The following MYT1L variants were observed in gnomAD, a reference collection of about 807,000 sequenced individuals.
The protein encoded by MYT1L is myelin transcription factor 1-like protein.
A neutral mutation model predicts 126.7 loss-of-function variants in MYT1L; 12 were observed. That is an observed-to-expected ratio of 0.09 (90% CI 0.06 to 0.15). The LOEUF is 0.15. Among genes scored for constraint, MYT1L ranks in the 10% least tolerant of loss-of-function variants. The pLI is 1.00. For missense variants in MYT1L, 979 were observed against 1,585.2 expected (o/e 0.62, Z 6.49); for synonymous variants, 541 against 604.2 (o/e 0.90, Z 1.53).
At chr2:1,927,109 T>C (rs889465418) in intron 9 of MYT1L, among the ~76,000 whole-genome samples, 1 of 152,220 alleles carries the variant, frequency 6.6e-6, no homozygotes, top group African/African-American at 2.4e-5. Context: ...AGCCTGGGGC[T>C]GACCGCTGGG....
At chr2:2,115,132 T>C (rs1312384270) in intron 3 of MYT1L, among the ~76,000 whole-genome samples, 1 of 152,252 alleles carries the variant, frequency 6.6e-6, no homozygotes, top group Non-Finnish European at 1.5e-5. Context: ...CACTTTTCCC[T>C]GCTCCTCCTG....
intron 2 of MYT1L, among the ~76,000 whole-genome samples, chr2:2,231,538 C>T (rs2094161791): frequency 6.6e-6 from 1 of 152,106 alleles, no homozygotes; most frequent in South Asian, 2.1e-4. Context: ...ACTTCCACCT[C>T]CCAGGCTCAA....
intron 23 of MYT1L, among the ~76,000 whole-genome samples, chr2:1,797,317 G>A (rs1216468160): frequency 6.6e-6 from 1 of 152,016 alleles, no homozygotes; most frequent in Non-Finnish European, 1.5e-5. Flanking sequence ...TCCACCTCCT[G>A]GGTTCACGCC....
chr2:2,012,771 G>A (rs778531245), intron 4 of MYT1L, among the ~76,000 whole-genome samples: 11 of 152,072 alleles, frequency 7.2e-5, no homozygotes, highest in East Asian at 3.9e-4. Flanking sequence ...CTACCCACCC[G>A]TCAGTCACTT....
At position 1,789,126 on chromosome 2, in the gene MYT1L, G is replaced by A. The variant is rs1007079932; in HGVS notation, c.*2741C>T. On this transcript the variant is annotated 3_prime_UTR_variant, in exon 25 of 25. Coordinates refer to ENST00000647738, the MANE Select transcript of MYT1L (RefSeq NM_001303052.2). The stretch of plus-strand genomic sequence containing the variant: ...CGCAGACCCGGGTTAGAGATCCTTC[G>A]TGCTACAAATGTGGCAACACCTTGT... The A allele has an allele frequency of 4.6e-5, 7 of 152,324 alleles. No individual in the cohort carries two copies. The highest frequency in any genetic ancestry group is 2.1e-4 in the South Asian group (1 of 4,826). The allele number at this position is 152,324 out of a possible 1,614,324, so 9.4% of individuals were successfully genotyped here. A position where few individuals can be genotyped will look rare whatever the true frequency, so the allele number is the denominator to read the frequency against.
At chr2:1,970,548 G>A (rs1413684787) in intron 8 of MYT1L, among the ~76,000 whole-genome samples, 1 of 152,234 alleles carries the variant, frequency 6.6e-6, no homozygotes, top group East Asian at 1.9e-4. Flanking sequence ...GGGGCATCCC[G>A]TGGTCGGCAG....
chr2:2,116,845 C>T (rs888233884), intron 3 of MYT1L, among the ~76,000 whole-genome samples: 2 of 152,254 alleles, frequency 1.3e-5, no homozygotes, highest in Non-Finnish European at 2.9e-5. Flanking sequence ...CCTGGCTCCA[C>T]TTCAAGGCCC....
chr2:2,246,207 T>G (rs2094532119), intron 2 of MYT1L, among the ~76,000 whole-genome samples: 1 of 152,086 alleles, frequency 6.6e-6, no homozygotes, highest in Admixed American at 6.5e-5. Context: ...GAGGTGACAA[T>G]GACAATCATT....
chr2:1,881,384 GT>G (rs2047525712), intron 18 of MYT1L, among the ~76,000 whole-genome samples: 1 of 151,662 alleles, frequency 6.6e-6, no homozygotes, highest in East Asian at 1.9e-4. Flanking sequence ...GTGTGTGTGT[GT>G]GTGTGTGTGT....
chr2:2,280,624 G>C (rs1437427697), intron 2 of MYT1L, among the ~76,000 whole-genome samples: 1 of 152,200 alleles, frequency 6.6e-6, no homozygotes, highest in African/African-American at 2.4e-5. Flanking sequence ...TTTTAAGGAG[G>C]AAGTCAGGTA....
At chr2:1,946,682 G>GA (rs1055129413) in intron 8 of MYT1L, among the ~76,000 whole-genome samples, 2 of 151,866 alleles carry the variant, frequency 1.3e-5, no homozygotes, top group African/African-American at 2.4e-5. Flanking sequence ...GATAATTCAA[G>GA]AAAAAAAATT....
At chr2:2,225,162 G>A (rs1449398267) in intron 2 of MYT1L, among the ~76,000 whole-genome samples, 1 of 151,554 alleles carries the variant, frequency 6.6e-6, no homozygotes, top group Non-Finnish European at 1.5e-5. Flanking sequence ...CCAGCTGTGA[G>A]TGGCCACAGC....
intron 2 of MYT1L, among the ~76,000 whole-genome samples, chr2:2,183,497 C>T (rs1268116248): frequency 6.6e-6 from 1 of 152,152 alleles, no homozygotes; most frequent in Non-Finnish European, 1.5e-5. Flanking sequence ...AAACATCCTT[C>T]CAGTGCACAA....
chr2:1,999,451 G>C (rs2062159964), intron 4 of MYT1L, among the ~76,000 whole-genome samples: 1 of 151,932 alleles, frequency 6.6e-6, no homozygotes, highest in African/African-American at 2.4e-5. Flanking sequence ...GACAGAAGCT[G>C]GAATTGACAC....
At chr2:2,037,166 G>A (rs1431213093) in intron 4 of MYT1L, among the ~76,000 whole-genome samples, 2 of 152,204 alleles carry the variant, frequency 1.3e-5, no homozygotes, top group East Asian at 3.8e-4. Context: ...CATCTCGTTT[G>A]TTCCTCACCA....
At chr2:1,907,779 T>C (rs1287437809) in intron 13 of MYT1L, among the ~76,000 whole-genome samples, 1 of 152,262 alleles carries the variant, frequency 6.6e-6, no homozygotes, top group Non-Finnish European at 1.5e-5. Context: ...CTCTTCCTTT[T>C]CCACTGAAAG....
At chr2:1,884,386 GT>G in intron 18 of MYT1L, among the ~76,000 whole-genome samples, 1 of 152,194 alleles carries the variant, frequency 6.6e-6, no homozygotes, top group South Asian at 2.1e-4. Flanking sequence ...AAAGAAAGTT[GT>G]TGCGAGTCAT....
intron 18 of MYT1L, among the ~76,000 whole-genome samples, chr2:1,874,567 C>A (rs540985743): frequency 3.9e-5 from 6 of 152,330 alleles, no homozygotes; most frequent in African/African-American, 1.4e-4. Context: ...ATGTGGCTTC[C>A]ACCAACCTGT....
chr2:2,122,393 C>T (rs1312448056), intron 3 of MYT1L, among the ~76,000 whole-genome samples: 2 of 152,114 alleles, frequency 1.3e-5, no homozygotes, highest in South Asian at 2.1e-4. Flanking sequence ...GGCTGGAACA[C>T]GGAAGCACCC....
Sources: gnomAD v4.1 joint callset for allele counts (sites outside exome capture counted in the v4.1 genomes callset) on GRCh38, gnomAD v4.1.1 for gene constraint, MANE v1.5 for transcripts, NCBI Gene and HGNC (gene_info 2026-07-23, HGNC 2026-07-21) for gene names.